Variants in AP4E1 observed in about 807,000 individuals in gnomAD.
The protein encoded by AP4E1 is AP-4 complex subunit epsilon-1.
AP4E1 carries 56 observed loss-of-function variants against 128.2 expected under a neutral mutation model. That is an observed-to-expected ratio of 0.44 (90% confidence interval 0.35 to 0.55). The LOEUF is 0.55. AP4E1 is among the 20% of genes least tolerant of loss of function. The probability of loss-of-function intolerance (pLI) is 0.00; values close to 1 mark genes in which losing one functional copy is unlikely to be tolerated. For missense variants in AP4E1, 1,324 were observed against 1,307.7 expected (o/e 1.01, Z -0.19); for synonymous variants, 484 against 473.1 (o/e 1.02, Z -0.30).
chr15:50,944,667 A>T (rs530764422), intron 10 of AP4E1: 4 of 410,662 alleles, frequency 9.7e-6, no homozygotes, highest in African/African-American at 8.3e-5. Flanking sequence ...CAAGATGAGG[A>T]TGAAGATACT....
intron 15 of AP4E1, among the ~76,000 whole-genome samples, chr15:50,971,876 GTC>G (rs1210154650): frequency 1.3e-5 from 2 of 151,948 alleles, no homozygotes; most frequent in Non-Finnish European, 2.9e-5. Flanking sequence ...TGAATTGTCT[GTC>G]TGTATTCTCT....
At chr15:50,969,866 A>G (rs998490975) in intron 15 of AP4E1, among the ~76,000 whole-genome samples, 7 of 151,928 alleles carry the variant, frequency 4.6e-5, no homozygotes, top group Non-Finnish European at 1.0e-4. Context: ...TCACCATGTT[A>G]GCCAGGATGG....
chr15:50,965,949 G>A (rs574061996), intron 14 of AP4E1, among the ~76,000 whole-genome samples: 7 of 151,312 alleles, frequency 4.6e-5, no homozygotes, highest in African/African-American at 1.7e-4. Flanking sequence ...ACGGAGTCTC[G>A]CTCTGCCACC....
chr15:50,978,110 A>G (rs772746376), intron 15 of AP4E1, among the ~76,000 whole-genome samples: 4 of 152,224 alleles, frequency 2.6e-5, no homozygotes, highest in Non-Finnish European at 4.4e-5. Context: ...AGGTAGAAAA[A>G]TGAATAAACT....
rs1047834552 is a variant in AP4E1, at chr15:50,951,184, A to G, written c.1548+1015A>G. On this transcript the variant is annotated intron_variant, in intron 13 of 20. Coordinates refer to ENST00000261842, the MANE Select transcript of AP4E1 (RefSeq NM_007347.5). ...TCTGATTAGGGTCTCACAGGGTTGCAGTGAAGGTGTTGGCTAGGGCTACTG... is the reference window on the plus strand; with the variant it reads ...TCTGATTAGGGTCTCACAGGGTTGCGGTGAAGGTGTTGGCTAGGGCTACTG... Among the ~76,000 whole-genome samples the G allele has an allele frequency of 1.2e-4, 19 of 152,354 alleles. No individual in the cohort carries two copies. The East Asian group carries it at 3.7e-3, about 29-fold the overall frequency.
intron 1 of AP4E1, among the ~76,000 whole-genome samples, chr15:50,911,664 G>A (rs957282813): frequency 2.0e-5 from 2 of 100,176 alleles, no homozygotes; most frequent in Non-Finnish European, 4.2e-5. Context: ...TTTTAGTAGG[G>A]ACGGGGTTTT....
intron 5 of AP4E1, among the ~76,000 whole-genome samples, chr15:50,925,566 T>C (rs1341201492): frequency 6.6e-6 from 1 of 151,774 alleles, no homozygotes; most frequent in Non-Finnish European, 1.5e-5. Flanking sequence ...TAAAGTGAAA[T>C]AATGAAAAAC....
chr15:50,908,219 C>G (rs1247077319), upstream of AP4E1, among the ~76,000 whole-genome samples: 5 of 152,212 alleles, frequency 3.3e-5, no homozygotes, highest in Non-Finnish European at 7.3e-5. Flanking sequence ...CGCTATCACG[C>G]AACTACTCGG....
intron 3 of AP4E1, among the ~76,000 whole-genome samples, chr15:50,920,159 G>A (rs1350582290): frequency 1.7e-4 from 21 of 123,502 alleles, no homozygotes; most frequent in Non-Finnish European, 2.7e-4. Context: ...TTTCGCCCAG[G>A]CCAGAGTGCA....
At position 50,968,223 on chromosome 15, in the gene AP4E1, AATTT is replaced by A. The variant is rs771304353; in HGVS notation, c.1852-34_1852-31del. The A allele has an allele frequency of 7.3e-5, 97 of 1,323,670 alleles. 1 individual carries two copies. Among genetic ancestry groups the A allele is most frequent in the Non-Finnish European group, 5.4e-5 (50 of 933,634 alleles). 82.0% of individuals were successfully genotyped at this position (1,323,670 alleles called of 1,614,324 possible). A position where few individuals can be genotyped will look rare whatever the true frequency, so the allele number is the denominator to read the frequency against. ...GTGACTATATAATCTACTTAGGATA[AATTT>A]ATTTAATTCCTAATTTTTGCTTAAT... is the stretch of plus-strand genomic sequence containing the variant. On this transcript the variant is annotated intron_variant, in intron 14 of 20. Coordinates refer to ENST00000261842, the MANE Select transcript of AP4E1 (RefSeq NM_007347.5).
chr15:50,930,457 G>C (rs1454171942), intron 6 of AP4E1, among the ~76,000 whole-genome samples: 3 of 150,916 alleles, frequency 2.0e-5, no homozygotes, highest in African/African-American at 7.3e-5. Context: ...CCAAAGCCGA[G>C]GTATTACTGT....
intron 17 of AP4E1, among the ~76,000 whole-genome samples, chr15:50,994,117 A>C (rs2064840610): frequency 6.6e-6 from 1 of 152,246 alleles, no homozygotes; most frequent in African/African-American, 2.4e-5. Flanking sequence ...TATTAAACAA[A>C]AAGTACAGAG....
At chr15:50,977,391 G>A (rs764661410) in intron 15 of AP4E1, among the ~76,000 whole-genome samples, 2 of 152,136 alleles carry the variant, frequency 1.3e-5, no homozygotes, top group Admixed American at 6.6e-5. Flanking sequence ...CCTTTGCCAA[G>A]TACATTTTTT....
At position 50,942,684 on chromosome 15, in the gene AP4E1, TTATA is replaced by T. The variant is rs1431693679; in HGVS notation, c.1176+915_1176+918del. On this transcript the variant is annotated intron_variant, in intron 10 of 20. Coordinates refer to ENST00000261842, the MANE Select transcript of AP4E1 (RefSeq NM_007347.5). ...GTATATTACATTTTAATATATATAA[TTATA>T]TATATTACTTATAATAATAATATAC... 9.4e-5 allele frequency among the ~76,000 whole-genome samples: 14 copies of T among 148,218 alleles called. No individual in the cohort carries two copies. The South Asian group carries it at 2.9e-3, about 31-fold the overall frequency.
intron 13 of AP4E1, among the ~76,000 whole-genome samples, chr15:50,952,293 G>A (rs970343501): frequency 2.0e-5 from 3 of 151,910 alleles, no homozygotes; most frequent in East Asian, 2.0e-4. Context: ...GGTGGATCAC[G>A]AGGTCAGGAG....
intron 20 of AP4E1, 88 bp from the exon 21 acceptor site, chr15:51,002,414 G>A (rs1315056314): frequency 5.0e-6 from 7 of 1,401,476 alleles, no homozygotes; most frequent in Non-Finnish European, 7.0e-6. Context: ...CTTTTCATGT[G>A]CTTATTAGCC....
At chr15:50,967,636 G>A (rs2064411709) in intron 14 of AP4E1, among the ~76,000 whole-genome samples, 1 of 152,158 alleles carries the variant, frequency 6.6e-6, no homozygotes, top group Non-Finnish European at 1.5e-5. Flanking sequence ...TAGGAGCTGT[G>A]TCTTCCTTTG....
intron 14 of AP4E1, among the ~76,000 whole-genome samples, chr15:50,967,203 A>G (rs1234068982): frequency 1.3e-5 from 2 of 152,236 alleles, no homozygotes; most frequent in African/African-American, 2.4e-5. Flanking sequence ...AGGCTGAATA[A>G]TGGCCCTTGC....
At position 50,941,451 on chromosome 15, in the gene AP4E1, T is replaced by C. The variant is rs2063986210; in HGVS notation, c.953T>C (p.Phe318Ser). The C allele has an allele frequency of 1.2e-6, 2 of 1,612,608 alleles. No individual in the cohort carries two copies. Among genetic ancestry groups the C allele is most frequent in the Admixed American group, 1.7e-5 (1 of 59,954 alleles). The stretch of plus-strand genomic sequence containing the variant: ...ATGTTTCTTTTTCTAGCTATTTTGT[T>C]TGAATGTGTGCATACAGTCTATTCT... ...LNHNVTYAIL[F>S]ECVHTVYSIY... is the part of the protein sequence containing the mutation. Residue 318 changes from phenylalanine (F) to serine (S), a missense_variant, in exon 9 of 21, where the codon TTT becomes TCT. By Grantham distance (155) the Phe-to-Ser change is radical. Transcript: ENST00000261842.
Sources: allele counts gnomAD v4.1 joint callset (sites outside exome capture counted in the v4.1 genomes callset), GRCh38; gene constraint gnomAD v4.1.1; transcripts MANE v1.5; gene names NCBI Gene and HGNC (gene_info 2026-07-23, HGNC 2026-07-21).